FOXP1: variants seen among roughly 807,000 people sequenced by gnomAD.
FOXP1 encodes forkhead box protein P1.
Under a neutral mutation model 98.2 loss-of-function variants are expected in FOXP1, and 15 were observed. That is an observed-to-expected ratio of 0.15 (90% CI 0.10 to 0.24). The LOEUF (loss-of-function observed/expected upper bound fraction) is 0.24. Ranked by LOEUF, FOXP1 falls within the 10% of genes least tolerant of loss-of-function variation. FOXP1 has a pLI of 1.00. For synonymous variants in FOXP1, 371 were observed against 314.5 expected (o/e 1.18, Z -1.90); for missense variants, 633 against 848.5 (o/e 0.75, Z 3.15).
intron 20 of FOXP1, among the ~76,000 whole-genome samples, chr3:70,963,079 TAAAC>T (rs1298564021): frequency 3.3e-5 from 5 of 152,040 alleles, no homozygotes; most frequent in East Asian, 1.9e-4. Context: ...AAAAAACAAA[TAAAC>T]AAAACACGTT....
At chr3:71,342,524 C>A (rs1266260287) in intron 4 of FOXP1, among the ~76,000 whole-genome samples, 1 of 152,122 alleles carries the variant, frequency 6.6e-6, no homozygotes, top group African/African-American at 2.4e-5. Flanking sequence ...GAAACCCCAT[C>A]TCTACTAAAA....
At chr3:71,104,003 T>A (rs2057212609) in intron 7 of FOXP1, among the ~76,000 whole-genome samples, 1 of 152,104 alleles carries the variant, frequency 6.6e-6, no homozygotes, top group African/African-American at 2.4e-5. Flanking sequence ...GACTTGATGA[T>A]CACTATTTTG....
intron 6 of FOXP1, among the ~76,000 whole-genome samples, chr3:71,158,606 A>G (rs1027623281): frequency 6.6e-6 from 1 of 152,080 alleles, no homozygotes; most frequent in African/African-American, 2.4e-5. Context: ...GCAACAGAGA[A>G]AGTCTTCATG....
At chr3:71,078,935 A>T (rs1240063309) in intron 7 of FOXP1, among the ~76,000 whole-genome samples, 2 of 152,172 alleles carry the variant, frequency 1.3e-5, no homozygotes, top group African/African-American at 4.8e-5. Context: ...CAGACTTAAG[A>T]ACCAAGTTCA....
chr3:71,376,692 C>T (rs2079738772), intron 3 of FOXP1, among the ~76,000 whole-genome samples: 1 of 152,194 alleles, frequency 6.6e-6, no homozygotes, highest in Non-Finnish European at 1.5e-5. Flanking sequence ...TTACATAAAT[C>T]AGTTCTTTGT....
chr3:71,079,371 CT>C (rs1394657831), intron 7 of FOXP1, among the ~76,000 whole-genome samples: 1 of 152,162 alleles, frequency 6.6e-6, no homozygotes, highest in Admixed American at 6.5e-5. Context: ...ATGGTATGGG[CT>C]TTGCATTCAT....
intron 3 of FOXP1, among the ~76,000 whole-genome samples, chr3:71,462,582 A>G (rs922510998): frequency 2.6e-5 from 4 of 152,210 alleles, no homozygotes; most frequent in Non-Finnish European, 5.9e-5. Context: ...CCATTCGTGT[A>G]AAGCTGAAAT....
At chr3:71,391,254 T>A (rs2081008764) in intron 3 of FOXP1, among the ~76,000 whole-genome samples, 1 of 152,244 alleles carries the variant, frequency 6.6e-6, no homozygotes, top group African/African-American at 2.4e-5. Context: ...AGAAATCTTT[T>A]TCTTACTGTC....
chr3:70,981,708 G>A (rs2038900239), intron 14 of FOXP1, among the ~76,000 whole-genome samples: 3 of 152,202 alleles, frequency 2.0e-5, no homozygotes, highest in Admixed American at 2.0e-4. Context: ...AAAACCAAGT[G>A]CCAAGTCTCA....
In FOXP1 at chr3:71,133,253, C is replaced by T. The variant is rs190367465; in HGVS notation, c.181-20616G>A. ...TTAAAAAATCTGACACGTATAAAGA[C>T]CTTCATTAGTATAATTAAATGACTG... is the stretch of plus-strand genomic sequence containing the variant. On this transcript the variant is annotated intron_variant, in intron 6 of 20. Coordinates refer to ENST00000649528, the MANE Select transcript of FOXP1 (RefSeq NM_001349338.3). 5.3e-5 allele frequency among the ~76,000 whole-genome samples: 8 copies of T among 152,268 alleles called. No individual in the cohort carries two copies. The East Asian group carries it at 1.5e-3, about 29-fold the overall frequency.
Position 71,273,785 on chromosome 3 carries a change from G to C in FOXP1, c.-12+26035C>G, listed in dbSNP as rs186403303. Reference sequence around the variant, plus strand: ...ACTTCATGCCAAATGCATGGTGAAGGAATCAAATGCTCTACTATTCTGAGC... The same window carrying C: ...ACTTCATGCCAAATGCATGGTGAAGCAATCAAATGCTCTACTATTCTGAGC... On this transcript the variant is annotated intron_variant, in intron 5 of 20. Coordinates refer to ENST00000649528, the MANE Select transcript of FOXP1 (RefSeq NM_001349338.3). Among the ~76,000 whole-genome samples, 392 of 152,288 alleles carry C rather than the reference G, an allele frequency of 2.6e-3. 2 individuals are homozygous for C. Among genetic ancestry groups the C allele is most frequent in the Admixed American group, 4.5e-3 (69 of 15,308 alleles).
chr3:71,347,262 C>T (rs537089792), intron 4 of FOXP1, among the ~76,000 whole-genome samples: 29 of 152,184 alleles, frequency 1.9e-4, no homozygotes, highest in African/African-American at 6.3e-4. Flanking sequence ...CATTCAGATC[C>T]GTCAAATTAC....
intron 2 of FOXP1, among the ~76,000 whole-genome samples, chr3:71,498,569 A>C (rs1275853408): frequency 6.6e-6 from 1 of 152,182 alleles, no homozygotes; most frequent in Non-Finnish European, 1.5e-5. Context: ...TTCCATTTCT[A>C]TTGAAGAATG....
intron 12 of FOXP1, among the ~76,000 whole-genome samples, chr3:71,013,731 A>G (rs760465417): frequency 1.1e-4 from 17 of 152,192 alleles, no homozygotes; most frequent in Admixed American, 2.0e-4. Flanking sequence ...GAGGCATCAC[A>G]CTACCTGACT....
intron 7 of FOXP1, among the ~76,000 whole-genome samples, chr3:71,054,272 G>A (rs1016805120): frequency 2.0e-5 from 3 of 152,146 alleles, no homozygotes; most frequent in African/African-American, 7.2e-5. Context: ...CACACCTTCC[G>A]AACTTAAACA....
chr3:71,406,477 G>A (rs1457527839), intron 3 of FOXP1, among the ~76,000 whole-genome samples: 2 of 144,892 alleles, frequency 1.4e-5, no homozygotes, highest in African/African-American at 5.0e-5. Context: ...ATCAAATCAG[G>A]GTATTCCATT....
intron 3 of FOXP1, among the ~76,000 whole-genome samples, chr3:71,476,440 T>C (rs770415313): frequency 6.6e-6 from 1 of 152,052 alleles, no homozygotes; most frequent in African/African-American, 2.4e-5. Context: ...TGATGGTGGA[T>C]GGAGAGGTGG....
chr3:71,554,930 T>C (rs972208511), intron 2 of FOXP1, among the ~76,000 whole-genome samples: 7 of 152,146 alleles, frequency 4.6e-5, no homozygotes, highest in Admixed American at 1.3e-4. Context: ...AGATAGTAAA[T>C]GTCAAAAATA....
At chr3:71,040,266 T>C (rs1183644556) in intron 11 of FOXP1, 1 of 152,154 alleles carries the variant, frequency 6.6e-6, no homozygotes, top group East Asian at 1.9e-4. Flanking sequence ...ATAACTGAAA[T>C]ATATAATTAA....
Sources: gnomAD v4.1 joint callset for allele counts (sites outside exome capture counted in the v4.1 genomes callset) on GRCh38, gnomAD v4.1.1 for gene constraint, MANE v1.5 for transcripts, NCBI Gene and HGNC (gene_info 2026-07-23, HGNC 2026-07-21) for gene names.